SPART: variants seen among roughly 807,000 people sequenced by gnomAD.
SPART encodes spastic paraplegia 20 (Troyer syndrome).
In SPART, 35 loss-of-function variants were observed where a neutral mutation model predicts 58.7. The observed-to-expected ratio is 0.60, with a 90% CI of 0.46 to 0.79. The LOEUF is 0.79. Among genes scored for constraint, SPART ranks in the 30% least tolerant of loss-of-function variants. The pLI is 0.00. For missense variants in SPART, 730 were observed against 786.1 expected, an observed-to-expected ratio of 0.93 and a Z score of 0.85; for synonymous variants, 284 against 280.7, an observed-to-expected ratio of 1.01 and a Z score of -0.12.
intron 1 of SPART, among the ~76,000 whole-genome samples, chr13:36,367,146 A>G (rs1215758040): frequency 2.0e-5 from 3 of 152,174 alleles, no homozygotes; most frequent in Non-Finnish European, 4.4e-5. Flanking sequence ...TTTTTAAAGC[A>G]TCTCCGGAAA....
At chr13:36,357,489 A>T (rs1393778197) in intron 1 of SPART, among the ~76,000 whole-genome samples, 3 of 152,202 alleles carry the variant, frequency 2.0e-5, no homozygotes, top group African/African-American at 7.2e-5. Flanking sequence ...AGGGGAGAAG[A>T]GGAATGTCCT....
intron 8 of SPART, among the ~76,000 whole-genome samples, chr13:36,308,836 G>A (rs1297983891): frequency 7.0e-6 from 1 of 143,816 alleles, no homozygotes; most frequent in African/African-American, 2.5e-5. Flanking sequence ...AACAATGAAT[G>A]AATATTAGAG....
intron 1 of SPART, among the ~76,000 whole-genome samples, chr13:36,352,133 G>A (rs1366591084): frequency 1.3e-5 from 2 of 152,126 alleles, no homozygotes; most frequent in Non-Finnish European, 2.9e-5. Flanking sequence ...ATGAGGTAAG[G>A]TTTCTGACCT....
At chr13:36,321,152 G>C (rs919931971) in intron 5 of SPART, among the ~76,000 whole-genome samples, 11 of 152,108 alleles carry the variant, frequency 7.2e-5, no homozygotes, top group African/African-American at 2.7e-4. Context: ...GACCAACTTA[G>C]ACTGTGCCCC....
chr13:36,322,651 AAG>A (rs1214835467), intron 5 of SPART, among the ~76,000 whole-genome samples: 6 of 152,290 alleles, frequency 3.9e-5, no homozygotes, highest in East Asian at 3.9e-4. Context: ...ATTTCTGGCT[AAG>A]AGAGGGGGAA....
rs969865387 is a variant in SPART at position 36,303,839 on chromosome 13, GT to G, written c.*525del. 1 of 154,352 alleles carries G rather than the reference GT, an allele frequency of 6.5e-6. No homozygotes were observed. Among genetic ancestry groups the G allele is most frequent in the Admixed American group, 6.4e-5 (1 of 15,548 alleles). 9.6% of individuals were successfully genotyped at this position (154,352 alleles called of 1,614,324 possible). ...ATCAGTCTTTCCCTGTTTTGAACAAGTTTTTTTGAGAATTCTTAGTTTTAGT... is the reference window on the plus strand; with the variant it reads ...ATCAGTCTTTCCCTGTTTTGAACAAGTTTTTTGAGAATTCTTAGTTTTAGT... On this transcript the variant is annotated 3_prime_UTR_variant, in exon 9 of 9. Coordinates refer to ENST00000438666, the MANE Select transcript of SPART (RefSeq NM_015087.5).
chr13:36,312,434 T>A lies in SPART; in HGVS notation c.1527A>T (p.Leu509=). Residue 509 remains leucine, a synonymous_variant, in exon 7 of 9, where the codon CTA becomes CTT. Coordinates refer to ENST00000438666, the MANE Select transcript of SPART (RefSeq NM_015087.5). ...CTVANCVGKE[L]APHVKKHGSK... is the part of the protein sequence containing the mutation. ...TTCCATGCTTCTTGACATGTGGAGC[T>A]AGTTCTTTTCCAACGCAATTTGCTA... 1 of 1,614,148 alleles carries A rather than the reference T, an allele frequency of 6.2e-7. No individual in the cohort carries two copies. Among genetic ancestry groups the A allele is most frequent in the Non-Finnish European group, 8.5e-7 (1 of 1,180,032 alleles).
rs1302027310 is a variant in SPART, at chr13:36,314,433, A to G, written c.1289-12T>C. 1.2e-6 allele frequency: 2 copies of G among 1,612,848 alleles called. No homozygotes were observed. The highest frequency in any genetic ancestry group is 1.7e-6 in the Non-Finnish European group (2 of 1,178,996). ...CACCCAGGAAGCACCTTTTTAAAAG[A>G]AAATTTAAAATTGCACAATATTAGG... On this transcript the variant is annotated splice_polypyrimidine_tract_variant and intron_variant, in intron 5 of 8. Coordinates refer to ENST00000438666, the MANE Select transcript of SPART (RefSeq NM_015087.5).
rs531464386 is a variant in SPART at position 36,315,019 on chromosome 13, C to T, written c.1289-598G>A. Among the ~76,000 whole-genome samples the T allele has an allele frequency of 7.2e-5, 11 of 152,306 alleles. No individual in the cohort carries two copies. The South Asian group carries it at 2.3e-3, about 32-fold the overall frequency. Reference sequence around the variant, plus strand: ...GCACCGTTTAGCTTGCTACACATACCTGAATGACAAAAACATGAGAACACT... The same window carrying T: ...GCACCGTTTAGCTTGCTACACATACTTGAATGACAAAAACATGAGAACACT... On this transcript the variant is annotated intron_variant, in intron 5 of 8. Coordinates refer to ENST00000438666, the MANE Select transcript of SPART (RefSeq NM_015087.5).
intron 1 of SPART, among the ~76,000 whole-genome samples, chr13:36,355,273 G>A (rs1010512888): frequency 8.5e-5 from 13 of 152,094 alleles, no homozygotes; most frequent in Non-Finnish European, 1.2e-4. Context: ...TGATCCTCCC[G>A]CCTCAGCCTC....
intron 1 of SPART, among the ~76,000 whole-genome samples, chr13:36,355,840 CA>C (rs57777973): frequency 6.6e-6 from 1 of 151,442 alleles, no homozygotes; most frequent in African/African-American, 2.4e-5. Flanking sequence ...AAAGTAATGG[CA>C]AAAAAAACCC....
chr13:36,354,724 T>C (rs886064137), intron 1 of SPART, among the ~76,000 whole-genome samples: 2 of 152,232 alleles, frequency 1.3e-5, no homozygotes, highest in Non-Finnish European at 2.9e-5. Flanking sequence ...TGGGTATAAT[T>C]GCTTTCCTAA....
At chr13:36,323,560 T>C (rs1473896779) in intron 5 of SPART, among the ~76,000 whole-genome samples, 2 of 152,218 alleles carry the variant, frequency 1.3e-5, no homozygotes, top group African/African-American at 4.8e-5. Flanking sequence ...TGGGCTAAGA[T>C]GAATGAGCTC....
chr13:36,320,789 C>A (rs1882297285), intron 5 of SPART, among the ~76,000 whole-genome samples: 2 of 152,170 alleles, frequency 1.3e-5, no homozygotes, highest in African/African-American at 4.8e-5. Flanking sequence ...GCAGTCATTT[C>A]TTCCCTTCTG....
At chr13:36,333,080 T>C (rs910300115) in intron 2 of SPART, among the ~76,000 whole-genome samples, 14 of 151,922 alleles carry the variant, frequency 9.2e-5, no homozygotes, top group Admixed American at 7.9e-4. Context: ...GTCACCTTAA[T>C]TGAACTGCAA....
chr13:36,349,700 T>C (rs1885338297), upstream of SPART, among the ~76,000 whole-genome samples: 2 of 152,200 alleles, frequency 1.3e-5, 1 homozygote, highest in South Asian at 4.1e-4. Context: ...TAAATTATAT[T>C]AAAAAGCTAA....
At chr13:36,352,994 AAAGCC>A (rs1885479139) in intron 1 of SPART, among the ~76,000 whole-genome samples, 1 of 152,068 alleles carries the variant, frequency 6.6e-6, no homozygotes, top group Non-Finnish European at 1.5e-5. Context: ...GAAGAGAGGA[AAAGCC>A]AAGCAACATG....
At chr13:36,319,782 G>T (rs1363628414) in intron 5 of SPART, among the ~76,000 whole-genome samples, 1 of 143,824 alleles carries the variant, frequency 7.0e-6, no homozygotes, top group African/African-American at 2.5e-5. Context: ...ATCAAGCTCA[G>T]CAAATTACCT....
intron 1 of SPART, among the ~76,000 whole-genome samples, chr13:36,354,187 A>C (rs574041482): frequency 1.6e-4 from 24 of 152,018 alleles, no homozygotes; most frequent in African/African-American, 5.5e-4. Flanking sequence ...TAGGTAGAGG[A>C]CTATAACAAA....
Sources: gnomAD v4.1 joint callset for allele counts (sites outside exome capture counted in the v4.1 genomes callset) on GRCh38, gnomAD v4.1.1 for gene constraint, MANE v1.5 for transcripts, NCBI Gene and HGNC (gene_info 2026-07-23, HGNC 2026-07-21) for gene names.